Variants in GLMN observed in about 807,000 individuals in gnomAD.
The protein encoded by GLMN is glomulin.
A neutral mutation model predicts 87.8 loss-of-function variants in GLMN; 75 were observed. The observed-to-expected ratio is 0.85, with a 90% confidence interval of 0.71 to 1.04. The LOEUF is 1.04. Among genes scored for constraint, GLMN ranks in the 50% least tolerant of loss-of-function variants. GLMN has a pLI of 0.00. For missense variants in GLMN, 588 were observed against 658.8 expected, an observed-to-expected ratio of 0.89 and a Z score of 1.18; for synonymous variants, 206 against 221.6, an observed-to-expected ratio of 0.93 and a Z score of 0.63.
chr1:92,350,766 T>C, the GLMN span, among the ~76,000 whole-genome samples: 3 of 152,262 alleles, frequency 2.0e-5, no homozygotes, highest in South Asian at 6.2e-4. Flanking sequence ...ACCTCATCTC[T>C]ACTAAATATA....
In GLMN at chr1:92,289,015, G is replaced by A. The variant is rs1401017778; in HGVS notation, c.531C>T (p.Cys177=). The change falls in exon 6 of 19, where the codon TGC becomes TGT. Residue 177 remains cysteine, a synonymous_variant. Transcript: ENST00000370360. ...GCTTAGTGAACTCTATTAAGGCCTTGCAACACTGACAAAGGCCATAGTCAT... is the reference window on the plus strand; with the variant it reads ...GCTTAGTGAACTCTATTAAGGCCTTACAACACTGACAAAGGCCATAGTCAT... ...QMDDYGLCQC[C]KALIEFTKPF... The A allele has an allele frequency of 1.2e-6, 2 of 1,609,842 alleles. No individual in the cohort carries two copies. The highest frequency in any genetic ancestry group is 1.3e-5 in the African/African-American group (1 of 74,960).
chr1:92,313,645 C>T, the GLMN span, among the ~76,000 whole-genome samples: 8 of 152,132 alleles, frequency 5.3e-5, no homozygotes, highest in Admixed American at 3.3e-4. Context: ...TTACCAGCTA[C>T]GTTAGCCCCT....
the GLMN span, among the ~76,000 whole-genome samples, chr1:92,318,044 A>G: frequency 6.6e-6 from 1 of 151,946 alleles, no homozygotes; most frequent in Non-Finnish European, 1.5e-5. Context: ...TTGACCTCCT[A>G]TCTCTAGCCT....
intron 16 of GLMN, among the ~76,000 whole-genome samples, chr1:92,258,713 T>G (rs1196183739): frequency 4.6e-5 from 7 of 151,868 alleles, no homozygotes; most frequent in African/African-American, 1.7e-4. Context: ...TTTGAACACA[T>G]GGACACAGGA....
the GLMN span, among the ~76,000 whole-genome samples, chr1:92,337,667 A>G: frequency 6.6e-6 from 1 of 152,204 alleles, no homozygotes; most frequent in Admixed American, 6.5e-5. Context: ...GTTTTCTCTA[A>G]GTTTTATCTT....
chr1:92,308,362 T>C, the GLMN span, among the ~76,000 whole-genome samples: 1 of 152,224 alleles, frequency 6.6e-6, no homozygotes, highest in Non-Finnish European at 1.5e-5. Context: ...TCGACATGAC[T>C]GGGAAGCTAA....
chr1:92,279,889 A>G (rs1340360831), intron 7 of GLMN, among the ~76,000 whole-genome samples: 1 of 152,120 alleles, frequency 6.6e-6, no homozygotes, highest in Non-Finnish European at 1.5e-5. Context: ...GCGAGGCTGC[A>G]GCTAGACGGG....
the GLMN span, among the ~76,000 whole-genome samples, chr1:92,338,199 A>G: frequency 6.6e-6 from 1 of 152,176 alleles, no homozygotes; most frequent in Non-Finnish European, 1.5e-5. Context: ...TTAGGTAATG[A>G]TAAACTGAAT....
chr1:92,293,627 T>A (rs924595776), intron 3 of GLMN, among the ~76,000 whole-genome samples: 1 of 152,156 alleles, frequency 6.6e-6, no homozygotes, highest in African/African-American at 2.4e-5. Flanking sequence ...AAAGAAAGGA[T>A]ATCACTATAT....
the GLMN span, among the ~76,000 whole-genome samples, chr1:92,330,301 A>G: frequency 6.6e-6 from 1 of 152,172 alleles, no homozygotes; most frequent in East Asian, 1.9e-4. Flanking sequence ...TTTTGGTTGT[A>G]ATCATTTGGT....
At chr1:92,338,603 G>A in the GLMN span, among the ~76,000 whole-genome samples, 1 of 151,706 alleles carries the variant, frequency 6.6e-6, no homozygotes, top group Non-Finnish European at 1.5e-5. Flanking sequence ...ACATAAAGTC[G>A]AGTGAGGGAA....
At chr1:92,262,727 A>G in intron 16 of GLMN, 136 bp downstream of exon 16, 1 of 546,628 alleles carries the variant, frequency 1.8e-6, no homozygotes, top group Non-Finnish European at 3.4e-6. Flanking sequence ...TTCAGGTTTC[A>G]GAATAATTGT....
At chr1:92,347,350 C>T in the GLMN span, among the ~76,000 whole-genome samples, 2 of 152,156 alleles carry the variant, frequency 1.3e-5, no homozygotes, top group African/African-American at 4.8e-5. Context: ...TCTGCTCACC[C>T]ACCAGATCAT....
At chr1:92,359,973 T>G in the GLMN span, among the ~76,000 whole-genome samples, 1 of 138,834 alleles carries the variant, frequency 7.2e-6, no homozygotes, top group African/African-American at 2.8e-5. Context: ...CTACATTATT[T>G]TATTTGATTC....
intron 16 of GLMN, among the ~76,000 whole-genome samples, chr1:92,259,878 C>T (rs939326979): frequency 1.3e-5 from 2 of 151,682 alleles, no homozygotes; most frequent in Non-Finnish European, 2.9e-5. Context: ...GAACTATAGG[C>T]ACCCGCCACC....
In GLMN at chr1:92,296,683, A is replaced by C. The variant is rs980683164; in HGVS notation, c.165+721T>G. ...AAATTTGGCAGGATGTTGCCAACAC[A>C]GTGTCCCAGGAAAAAGTTATTCCTG... On this transcript the variant is annotated intron_variant, in intron 3 of 18. Transcript: ENST00000370360. Among the ~76,000 whole-genome samples, 4 of 152,312 alleles carry C rather than the reference A, an allele frequency of 2.6e-5. No homozygotes were observed. The South Asian group carries it at 8.3e-4, about 32-fold the overall frequency.
chr1:92,274,601 TTTATTA>T (rs764826009), intron 7 of GLMN, among the ~76,000 whole-genome samples: 11 of 152,162 alleles, frequency 7.2e-5, no homozygotes, highest in African/African-American at 1.9e-4. Flanking sequence ...CTCATGGTCC[TTTATTA>T]TTATTAATTT....
At chr1:92,351,766 C>T in the GLMN span, among the ~76,000 whole-genome samples, 1 of 152,288 alleles carries the variant, frequency 6.6e-6, no homozygotes, top group South Asian at 2.1e-4. Flanking sequence ...GCCCGAGTTC[C>T]TTTATGTGCA....
intron 13 of GLMN, among the ~76,000 whole-genome samples, chr1:92,265,954 ACCAAT>A (rs1655588929): frequency 6.6e-6 from 1 of 152,200 alleles, no homozygotes; most frequent in Admixed American, 6.5e-5. Context: ...TAGAAAGTTT[ACCAAT>A]CTTTAACTTA....
Sources: gnomAD v4.1 joint callset for allele counts (sites outside exome capture counted in the v4.1 genomes callset) on GRCh38, gnomAD v4.1.1 for gene constraint, MANE v1.5 for transcripts, NCBI Gene and HGNC (gene_info 2026-07-23, HGNC 2026-07-21) for gene names.